Variants in CACNA1A observed in about 807,000 individuals in gnomAD.
CACNA1A encodes calcium voltage-gated channel subunit alpha1 A.
Under a neutral mutation model 262.4 loss-of-function variants are expected in CACNA1A, and 57 were observed. The observed-to-expected ratio is 0.22, with a 90% CI of 0.18 to 0.27. CACNA1A has a LOEUF of 0.27. Among genes scored for constraint, CACNA1A ranks in the 10% least tolerant of loss-of-function variants. CACNA1A has a pLI of 1.00. For missense variants in CACNA1A, 2,526 were observed against 3,562.8 expected (o/e 0.71, Z 7.41); for synonymous variants, 1,431 against 1,419.3 (o/e 1.01, Z -0.18).
intron 1 of CACNA1A, among the ~76,000 whole-genome samples, chr19:13,495,731 T>C (rs531762904): frequency 3.9e-5 from 6 of 152,030 alleles, no homozygotes; most frequent in Non-Finnish European, 7.4e-5. Context: ...TACACCCTTA[T>C]ATCCAACATC....
chr19:13,261,388 G>T, intron 26 of CACNA1A, 62 bp downstream of exon 26: 1 of 1,458,962 alleles, frequency 6.9e-7, no homozygotes, highest in African/African-American at 1.4e-5. Flanking sequence ...AATGCCTCTA[G>T]CCACTTCCCC....
chr19:13,207,637 C>G lies in CACNA1A; in HGVS notation c.7197G>C (p.Glu2399Asp), dbSNP rs973900517. 2 of 1,477,372 alleles carry G rather than the reference C, an allele frequency of 1.4e-6. No homozygotes were observed. Among genetic ancestry groups the G allele is most frequent in the African/African-American group, 1.5e-5 (1 of 67,844 alleles). 91.5% of individuals were successfully genotyped at this position (1,477,372 alleles called of 1,614,324 possible). A position where few individuals can be genotyped will look rare whatever the true frequency, so the allele number is the denominator to read the frequency against. ...RWPASGPHVS[E>D]GPPGPRHHGY... Reference sequence around the variant, plus strand: ...CATGGTGCCGGGGACCCGGGGGCCCCTCGGACACGTGCGGGCCAGATGCCG... The same window carrying G: ...CATGGTGCCGGGGACCCGGGGGCCCGTCGGACACGTGCGGGCCAGATGCCG... The change falls in exon 47 of 47, where the codon GAG (glutamate) becomes GAC (aspartate). Residue 2399 changes from glutamate (E) to aspartate (D), a missense_variant. Physicochemically the swap from Glu to Asp is conservative, Grantham distance 45. This residue lies in a region of CACNA1A where 929 missense variants were observed against 868.1 expected (regional missense o/e 1.07). Coordinates refer to ENST00000360228, the MANE Select transcript of CACNA1A (RefSeq NM_001127222.2). The surrounding 1 kb of genome is among the most constrained non-coding windows in gnomAD (Gnocchi z 5.7).
At chr19:13,459,366 G>A (rs1233876235) in intron 1 of CACNA1A, among the ~76,000 whole-genome samples, 1 of 152,112 alleles carries the variant, frequency 6.6e-6, no homozygotes. Context: ...TAAAAGTCTC[G>A]GAAAGCCAGG....
intron 1 of CACNA1A, among the ~76,000 whole-genome samples, chr19:13,483,581 T>C (rs1397228251): frequency 1.3e-5 from 2 of 152,066 alleles, no homozygotes; most frequent in South Asian, 2.1e-4. Context: ...TCCGGGAAGA[T>C]AGCTGAAAAA....
intron 24 of CACNA1A, chr19:13,275,476 A>G: frequency 4.0e-6 from 1 of 249,630 alleles, no homozygotes; most frequent in South Asian, 5.6e-5. Context: ...TCGTTTCCTG[A>G]TTGTCTCTTT....
intron 3 of CACNA1A, among the ~76,000 whole-genome samples, chr19:13,399,311 G>A (rs971521282): frequency 6.6e-6 from 1 of 151,730 alleles, no homozygotes; most frequent in African/African-American, 2.4e-5. Context: ...AGTCACTAAA[G>A]AAAACGGTTA....
In CACNA1A at chr19:13,506,324, G is replaced by C; in HGVS notation, c.-100C>G. The C allele has an allele frequency of 8.8e-7, 1 of 1,134,374 alleles. No individual in the cohort carries two copies. Among genetic ancestry groups the C allele is most frequent in the Non-Finnish European group, 1.2e-6 (1 of 859,588 alleles). The allele number at this position is 1,134,374 out of a possible 1,614,324, so 70.3% of individuals were successfully genotyped here. A position where few individuals can be genotyped will look rare whatever the true frequency, so the allele number is the denominator to read the frequency against. On this transcript the variant is annotated 5_prime_UTR_variant, in exon 1 of 47. Transcript: ENST00000360228. ...GCTGATGCTGAGGCTGCCGGGGCTG[G>C]GAGCGCGGCGGCTGGAGCTACGACT...
At chr19:13,371,100 C>G (rs922732389) in intron 4 of CACNA1A, 2 of 152,230 alleles carry the variant, frequency 1.3e-5, no homozygotes, top group African/African-American at 4.8e-5. Context: ...TCTAAGAATT[C>G]AGGTGAGTAA....
At chr19:13,380,026 C>G (rs2059488947) in intron 3 of CACNA1A, among the ~76,000 whole-genome samples, 1 of 138,092 alleles carries the variant, frequency 7.2e-6, no homozygotes, top group Admixed American at 7.5e-5. Context: ...TGGCTCATGC[C>G]TGTAATCCCA....
At chr19:13,347,522 A>T (rs1321445713) in intron 6 of CACNA1A, among the ~76,000 whole-genome samples, 1 of 152,140 alleles carries the variant, frequency 6.6e-6, no homozygotes, top group African/African-American at 2.4e-5. Context: ...CTGTTTTTAT[A>T]GGTTAACGTT....
intron 3 of CACNA1A, 42 bp from the exon 4 acceptor site, chr19:13,371,821 T>C (rs1288372644): frequency 1.4e-6 from 2 of 1,445,238 alleles, no homozygotes; most frequent in African/African-American, 2.8e-5. Flanking sequence ...GGGTGGGTTT[T>C]GGGGGTCAGA....
intron 10 of CACNA1A, among the ~76,000 whole-genome samples, chr19:13,325,047 C>CTCTTCCCCTTCCCCCTCCTCTTCT (rs1568535492): frequency 4.7e-5 from 7 of 150,414 alleles, no homozygotes; most frequent in East Asian, 1.9e-4. Context: ...CTTCTTCTTC[C>CTCTTCCCCTTCCCCCTCCTCTTCT]TCTTCCCCTT....
intron 38 of CACNA1A, among the ~76,000 whole-genome samples, chr19:13,223,020 T>C (rs1399272254): frequency 1.3e-5 from 2 of 151,956 alleles, no homozygotes; most frequent in Non-Finnish European, 1.5e-5. Context: ...AAAATGTTTT[T>C]TTCTTTTTCT....
At chr19:13,396,460 G>A (rs1427347309) in intron 3 of CACNA1A, among the ~76,000 whole-genome samples, 1 of 152,048 alleles carries the variant, frequency 6.6e-6, no homozygotes, top group Non-Finnish European at 1.5e-5. Context: ...CAGCTGCGCC[G>A]GCCCCTAGAA....
chr19:13,310,139 G>A (rs1438116433), intron 12 of CACNA1A, among the ~76,000 whole-genome samples: 2 of 151,868 alleles, frequency 1.3e-5, no homozygotes, highest in East Asian at 1.9e-4. Flanking sequence ...CCTTTTTAAC[G>A]TATTCAAGTA....
chr19:13,374,280 T>C (rs2059369673), intron 3 of CACNA1A, among the ~76,000 whole-genome samples: 1 of 152,180 alleles, frequency 6.6e-6, no homozygotes, highest in Non-Finnish European at 1.5e-5. Context: ...CAGGGACTTA[T>C]TCTGTCACCC....
At chr19:13,419,178 T>A (rs1325402421) in intron 3 of CACNA1A, among the ~76,000 whole-genome samples, 1 of 152,174 alleles carries the variant, frequency 6.6e-6, no homozygotes, top group Non-Finnish European at 1.5e-5. Context: ...CCTAGATATG[T>A]TTAGATACAC....
intron 6 of CACNA1A, among the ~76,000 whole-genome samples, chr19:13,336,594 G>GGAGAGAGAGGGAGGGAGA (rs1555768093): frequency 4.6e-5 from 3 of 65,508 alleles, no homozygotes; most frequent in Admixed American, 1.9e-4. Flanking sequence ...AGAGAGAGAG[G>GGAGAGAGAGGGAGGGAGA]GAGAGAGAGA....
Position 13,423,220 on chromosome 19 carries a change from C to T in CACNA1A, c.539+29656G>A, listed in dbSNP as rs142566037. On this transcript the variant is annotated intron_variant, in intron 3 of 46. Transcript: ENST00000360228. ...GGGATTTGGAGATGGACAAAACTGG[C>T]CTCTGTCTCCAAGCAGCTCAGAGTC... Among the ~76,000 whole-genome samples, 11 of 152,292 alleles carry T rather than the reference C, an allele frequency of 7.2e-5. No individual in the cohort carries two copies. In the East Asian group the frequency reaches 2.1e-3, roughly 29 times the overall value.
Sources: gnomAD v4.1 joint callset for allele counts (sites outside exome capture counted in the v4.1 genomes callset) on GRCh38, gnomAD v4.1.1 for gene constraint, gnomAD v4.1.1 regional missense constraint, Gnocchi (gnomAD v3.1) non-coding constraint, MANE v1.5 for transcripts, NCBI Gene and HGNC (gene_info 2026-07-23, HGNC 2026-07-21) for gene names.